The following DPP10 variants were observed in gnomAD, a reference collection of about 807,000 sequenced individuals.
DPP10 encodes inactive dipeptidyl peptidase 10.
Under a neutral mutation model 120.9 loss-of-function variants are expected in DPP10, and 33 were observed. The ratio of observed to expected loss-of-function variants is 0.27; its 90% confidence interval spans 0.21 to 0.37. The LOEUF (loss-of-function observed/expected upper bound fraction) is 0.37, where lower values mean the gene tolerates loss of function less well. DPP10 is among the 10% of genes least tolerant of loss of function. The pLI, the probability that DPP10 is intolerant of heterozygous loss-of-function variation, is 1.00. For missense variants in DPP10, 816 were observed against 942.8 expected, an observed-to-expected ratio of 0.87 and a Z score of 1.76; for synonymous variants, 337 against 326.1, an observed-to-expected ratio of 1.03 and a Z score of -0.36.
At chr2:114,697,715 A>C (rs1259388437) in intron 1 of DPP10, among the ~76,000 whole-genome samples, 2 of 144,912 alleles carry the variant, frequency 1.4e-5, no homozygotes, top group South Asian at 4.4e-4. Context: ...GCGCAACTGC[A>C]CTCCAGCCTA....
chr2:115,760,286 C>T (rs180996523), intron 11 of DPP10, among the ~76,000 whole-genome samples: 2 of 152,232 alleles, frequency 1.3e-5, no homozygotes, highest in African/African-American at 4.8e-5. Flanking sequence ...ATCTCAAAAA[C>T]AAGTGGTGTG....
At chr2:115,088,750 C>CAAAAAAAAAA (rs70941027) in intron 1 of DPP10, among the ~76,000 whole-genome samples, 865 of 64,514 alleles carry the variant, frequency 0.013, 55 homozygotes, top group African/African-American at 0.027. Context: ...CTGTGCCTGA[C>CAAAAAAAAAA]AAAAAAAAAA....
At chr2:115,016,614 G>A (rs185221198) in intron 1 of DPP10, among the ~76,000 whole-genome samples, 1 of 151,788 alleles carries the variant, frequency 6.6e-6, no homozygotes, top group African/African-American at 2.4e-5. Context: ...ATCTGACAAA[G>A]GGCTAATATC....
In DPP10 at chr2:114,670,486, CA is replaced by C. The variant is rs548511443; in HGVS notation, c.60+227649del. 5.0e-3 allele frequency among the ~76,000 whole-genome samples: 755 copies of C among 150,692 alleles called. 3 individuals are homozygous for C. Among genetic ancestry groups the C allele is most frequent in the Middle Eastern group, 0.017 (5 of 294 alleles). ...ATAGATGGAAATTGAACAATGAGAA[CA>C]CATGGACACAGGAAGGGGAACATCA... On this transcript the variant is annotated intron_variant, in intron 1 of 25. Transcript: ENST00000410059.
chr2:115,470,008 A>T (rs1164163842), intron 3 of DPP10, among the ~76,000 whole-genome samples: 1 of 152,204 alleles, frequency 6.6e-6, no homozygotes, highest in Non-Finnish European at 1.5e-5. Flanking sequence ...AAACGTGGAA[A>T]ATCTTGTTTT....
At chr2:115,805,073 C>A (rs921097010) in intron 19 of DPP10, among the ~76,000 whole-genome samples, 1 of 152,204 alleles carries the variant, frequency 6.6e-6, no homozygotes, top group Non-Finnish European at 1.5e-5. Flanking sequence ...CTGTGGTGGG[C>A]TCCACCCAGT....
At chr2:115,190,097 A>G (rs761988144) in intron 1 of DPP10, among the ~76,000 whole-genome samples, 8 of 152,206 alleles carry the variant, frequency 5.3e-5, no homozygotes, top group Non-Finnish European at 1.2e-4. Flanking sequence ...TCTGGCTGGT[A>G]GCCCCTAATT....
chr2:115,495,765 A>G (rs957558922), intron 3 of DPP10, among the ~76,000 whole-genome samples: 1 of 152,168 alleles, frequency 6.6e-6, no homozygotes, highest in Non-Finnish European at 1.5e-5. Context: ...CCAGATAGTG[A>G]TTCTATTCTG....
In DPP10 at chr2:114,618,977, C is replaced by A. The variant is rs150748958; in HGVS notation, c.60+176139C>A. Among the ~76,000 whole-genome samples, 615 of 152,052 alleles carry A rather than the reference C, an allele frequency of 4.0e-3. 5 individuals are homozygous for A. The highest frequency in any genetic ancestry group is 0.01 in the Middle Eastern group (3 of 294). ...GTCCAGAGTCAAGTCTGGACATTATCAGGAATTGCCACTACTGATTAGCAA... is the reference window on the plus strand; with the variant it reads ...GTCCAGAGTCAAGTCTGGACATTATAAGGAATTGCCACTACTGATTAGCAA... On this transcript the variant is annotated intron_variant, in intron 1 of 25. Transcript: ENST00000410059.
In DPP10 at chr2:115,780,979, CTTA is replaced by C; in HGVS notation, c.1473_1475del (p.Leu491del). 1 of 1,585,544 alleles carries C rather than the reference CTTA, an allele frequency of 6.3e-7. No homozygotes were observed. Among genetic ancestry groups the C allele is most frequent in the Non-Finnish European group, 8.6e-7 (1 of 1,160,192 alleles). ...GTTTTAGTCCCATGAATCAACATTT[CTTA>C]TTATTCTGTGAAGGTAAGATAATAC... On this transcript the variant is annotated inframe_deletion, in exon 16 of 26. Transcript: ENST00000410059.
chr2:115,687,897 AGT>A (rs2091091564), intron 5 of DPP10, among the ~76,000 whole-genome samples: 1 of 151,898 alleles, frequency 6.6e-6, no homozygotes, highest in East Asian at 1.9e-4. Flanking sequence ...AGCCAGGTAC[AGT>A]GTGGTAGGTG....
chr2:115,376,805 G>T (rs1230506794), intron 3 of DPP10, among the ~76,000 whole-genome samples: 2 of 149,794 alleles, frequency 1.3e-5, no homozygotes, highest in Non-Finnish European at 3.0e-5. Flanking sequence ...TGTGGTGTTT[G>T]GTTTTTTGTT....
chr2:114,681,882 TAAG>T, intron 1 of DPP10, among the ~76,000 whole-genome samples: 1 of 152,130 alleles, frequency 6.6e-6, no homozygotes, highest in Admixed American at 6.6e-5. Flanking sequence ...GCTGTAATGA[TAAG>T]AAGAAATAAA....
At chr2:115,151,719 T>G (rs1209794539) in intron 1 of DPP10, among the ~76,000 whole-genome samples, 3 of 151,688 alleles carry the variant, frequency 2.0e-5, no homozygotes, top group Non-Finnish European at 4.4e-5. Flanking sequence ...TATTGAATTT[T>G]TTTTTTTTTT....
intron 1 of DPP10, among the ~76,000 whole-genome samples, chr2:114,511,758 T>A (rs1684165118): frequency 6.6e-6 from 1 of 152,174 alleles, no homozygotes; most frequent in Non-Finnish European, 1.5e-5. Flanking sequence ...AACCTTACAA[T>A]AGCTCAAACT....
At chr2:114,636,803 A>G (rs1298105174) in intron 1 of DPP10, among the ~76,000 whole-genome samples, 2 of 151,804 alleles carry the variant, frequency 1.3e-5, no homozygotes, top group African/African-American at 4.9e-5. Flanking sequence ...ACCTCCTTAG[A>G]TGGTTTTTGA....
intron 5 of DPP10, among the ~76,000 whole-genome samples, chr2:115,591,585 G>T (rs1575271158): frequency 6.6e-6 from 1 of 152,172 alleles, no homozygotes; most frequent in Non-Finnish European, 1.5e-5. Flanking sequence ...AAGTCAGGTA[G>T]TGTGATGCCT....
intron 5 of DPP10, among the ~76,000 whole-genome samples, chr2:115,644,157 T>A (rs901610762): frequency 4.6e-5 from 7 of 151,858 alleles, no homozygotes; most frequent in African/African-American, 9.7e-5. Context: ...TTTCTTTTTT[T>A]AAATATATAT....
At chr2:115,082,424 C>T (rs1014001702) in intron 1 of DPP10, among the ~76,000 whole-genome samples, 1 of 152,110 alleles carries the variant, frequency 6.6e-6, no homozygotes, top group African/African-American at 2.4e-5. Context: ...TGGCATGTAA[C>T]CAGAATGCTA....
Sources: gnomAD v4.1 joint callset for allele counts (sites outside exome capture counted in the v4.1 genomes callset) on GRCh38, gnomAD v4.1.1 for gene constraint, MANE v1.5 for transcripts, NCBI Gene and HGNC (gene_info 2026-07-23, HGNC 2026-07-21) for gene names.